HS3ST4: variants seen among roughly 807,000 people sequenced by gnomAD.
HS3ST4 encodes the protein heparan sulfate glucosamine 3-O-sulfotransferase 4.
In HS3ST4, 17 loss-of-function variants were observed where a neutral mutation model predicts 29.2. That is an observed-to-expected ratio of 0.58 (90% CI 0.40 to 0.87). The LOEUF (loss-of-function observed/expected upper bound fraction) is 0.87. Ranked by LOEUF, HS3ST4 falls within the 40% of genes least tolerant of loss-of-function variation. HS3ST4 has a pLI of 0.00. For synonymous variants in HS3ST4, 314 were observed against 285.7 expected (o/e 1.10, Z -1.00); for missense variants, 627 against 634.5 (o/e 0.99, Z 0.13).
At chr16:26,085,994 T>G (rs1898782460) in intron 1 of HS3ST4, among the ~76,000 whole-genome samples, 2 of 152,102 alleles carry the variant, frequency 1.3e-5, no homozygotes, top group South Asian at 4.1e-4. Context: ...CATGGACACA[T>G]CAACTCATCT....
chr16:25,712,109 C>T (rs1319519300), intron 1 of HS3ST4, among the ~76,000 whole-genome samples: 1 of 152,086 alleles, frequency 6.6e-6, no homozygotes, highest in Non-Finnish European at 1.5e-5. Context: ...TTTTGTCAGT[C>T]ATACCTCAAT....
chr16:25,779,209 A>G (rs1244149818), intron 1 of HS3ST4, among the ~76,000 whole-genome samples: 2 of 152,214 alleles, frequency 1.3e-5, no homozygotes, highest in African/African-American at 4.8e-5. Context: ...AGGATGGGAG[A>G]AAGGTGGGTC....
At chr16:25,957,972 C>T (rs992778036) in intron 1 of HS3ST4, among the ~76,000 whole-genome samples, 3 of 152,098 alleles carry the variant, frequency 2.0e-5, no homozygotes, top group African/African-American at 7.2e-5. Flanking sequence ...CACTACTCTC[C>T]AGCCAGGAAG....
chr16:25,822,375 A>G (rs935588241), intron 1 of HS3ST4, among the ~76,000 whole-genome samples: 1 of 151,834 alleles, frequency 6.6e-6, no homozygotes, highest in Non-Finnish European at 1.5e-5. Context: ...AAAACGCCTC[A>G]CCTCTTAATA....
rs184446024 is a variant in HS3ST4, at chr16:25,929,387, A to G, written c.735-206225A>G. On this transcript the variant is annotated intron_variant, in intron 1 of 1. Coordinates refer to ENST00000331351, the MANE Select transcript of HS3ST4 (RefSeq NM_006040.3). ...CTCAAACAAACAAACAAAAACAAGA[A>G]GAAAAAAAAAAGAAAAGAAAGGTTC... Among the ~76,000 whole-genome samples, 16 of 148,648 alleles carry G rather than the reference A, an allele frequency of 1.1e-4. No homozygotes were observed. The East Asian group carries it at 3.1e-3, about 29-fold the overall frequency.
At chr16:25,835,545 C>T (rs965949334) in intron 1 of HS3ST4, among the ~76,000 whole-genome samples, 1 of 151,970 alleles carries the variant, frequency 6.6e-6, no homozygotes, top group Non-Finnish European at 1.5e-5. Context: ...CTACCATGTG[C>T]CATCAATAGA....
chr16:26,066,145 A>G (rs1446374113), intron 1 of HS3ST4, among the ~76,000 whole-genome samples: 4 of 152,238 alleles, frequency 2.6e-5, no homozygotes, highest in Non-Finnish European at 4.4e-5. Context: ...AGACCACTCA[A>G]TAGGAGACTT....
At chr16:25,777,084 G>A (rs765007543) in intron 1 of HS3ST4, among the ~76,000 whole-genome samples, 6 of 151,800 alleles carry the variant, frequency 4.0e-5, no homozygotes, top group South Asian at 4.2e-4. Flanking sequence ...ATAGTGCTTC[G>A]TCACTGAAAA....
intron 1 of HS3ST4, among the ~76,000 whole-genome samples, chr16:26,020,410 A>G (rs1479310166): frequency 3.3e-5 from 5 of 152,172 alleles, no homozygotes; most frequent in East Asian, 1.9e-4. Flanking sequence ...GCAAAAATCA[A>G]TGTCCTAAGA....
chr16:25,830,033 C>T (rs879743324), intron 1 of HS3ST4, among the ~76,000 whole-genome samples: 7 of 152,046 alleles, frequency 4.6e-5, no homozygotes, highest in Non-Finnish European at 7.4e-5. Context: ...GCATGTTGCC[C>T]AGGCTGGTGT....
At chr16:25,789,097 A>G (rs1000253179) in intron 1 of HS3ST4, among the ~76,000 whole-genome samples, 4 of 151,988 alleles carry the variant, frequency 2.6e-5, no homozygotes, top group Admixed American at 6.5e-5. Flanking sequence ...CTGGAAGTCA[A>G]TTTTACCTCA....
intron 1 of HS3ST4, among the ~76,000 whole-genome samples, chr16:25,820,743 A>T (rs114708575): frequency 0.016 from 2,428 of 151,560 alleles, 72 homozygotes; most frequent in African/African-American, 0.055. Flanking sequence ...CTAATTTTTT[A>T]AATTTTTTGT....
intron 1 of HS3ST4, among the ~76,000 whole-genome samples, chr16:25,931,136 C>T (rs1352764895): frequency 5.9e-5 from 9 of 152,178 alleles, no homozygotes; most frequent in South Asian, 2.1e-4. Context: ...CCGGGAAATG[C>T]GGCCTTTGGG....
chr16:25,716,585 CT>C (rs1436491184), intron 1 of HS3ST4, among the ~76,000 whole-genome samples: 1 of 152,230 alleles, frequency 6.6e-6, no homozygotes, highest in Non-Finnish European at 1.5e-5. Context: ...GCATACATTT[CT>C]TCATTGTTTA....
At chr16:25,898,118 G>A (rs1968088898) in intron 1 of HS3ST4, among the ~76,000 whole-genome samples, 1 of 152,214 alleles carries the variant, frequency 6.6e-6, no homozygotes, top group Admixed American at 6.5e-5. Context: ...GAGAGCTGCA[G>A]AATCTTTCTT....
At chr16:26,094,183 A>G (rs1898894609) in intron 1 of HS3ST4, among the ~76,000 whole-genome samples, 1 of 152,180 alleles carries the variant, frequency 6.6e-6, no homozygotes, top group Non-Finnish European at 1.5e-5. Flanking sequence ...AAGTTGGAAA[A>G]CACTCTTCAG....
At chr16:26,022,088 A>C (rs1382712841) in intron 1 of HS3ST4, among the ~76,000 whole-genome samples, 1 of 151,954 alleles carries the variant, frequency 6.6e-6, no homozygotes, top group African/African-American at 2.4e-5. Flanking sequence ...TCAGCCTCCC[A>C]AGTAGCTGGG....
At chr16:25,744,554 A>G (rs1335662381) in intron 1 of HS3ST4, among the ~76,000 whole-genome samples, 2 of 54,676 alleles carry the variant, frequency 3.7e-5, no homozygotes, top group Non-Finnish European at 1.5e-4. Context: ...TCATTTTTCT[A>G]TCATCATCAT....
At chr16:25,950,999 A>AG in intron 1 of HS3ST4, among the ~76,000 whole-genome samples, 1 of 152,132 alleles carries the variant, frequency 6.6e-6, no homozygotes, top group Non-Finnish European at 1.5e-5. Context: ...AACAGCATGT[A>AG]GACTCCCAGC....
Sources: allele counts gnomAD v4.1 joint callset (sites outside exome capture counted in the v4.1 genomes callset), GRCh38; gene constraint gnomAD v4.1.1; transcripts MANE v1.5; gene names NCBI Gene and HGNC (gene_info 2026-07-23, HGNC 2026-07-21).